ZBTB7A: variants seen among roughly 807,000 people sequenced by gnomAD.
ZBTB7A encodes the protein zinc finger and BTB domain-containing protein 7A.
Under a neutral mutation model 26.7 loss-of-function variants are expected in ZBTB7A, and 7 were observed. The observed-to-expected ratio is 0.26, with a 90% CI of 0.15 to 0.49. The LOEUF is 0.49. Ranked by LOEUF, ZBTB7A falls within the 20% of genes least tolerant of loss-of-function variation. ZBTB7A has a pLI of 0.98. For synonymous variants in ZBTB7A, 452 were observed against 441.0 expected, an observed-to-expected ratio of 1.02 and a Z score of -0.31; for missense variants, 617 against 919.5, an observed-to-expected ratio of 0.67 and a Z score of 4.25.
chr19:4,064,689 G>A (rs573185013), intron 1 of ZBTB7A, among the ~76,000 whole-genome samples: 2 of 152,350 alleles, frequency 1.3e-5, no homozygotes, highest in South Asian at 4.1e-4. Flanking sequence ...CCTCTCCGGA[G>A]GCAGCTGGCA....
chr19:4,053,334 G>C (rs2040523735), intron 2 of ZBTB7A, among the ~76,000 whole-genome samples: 2 of 152,228 alleles, frequency 1.3e-5, no homozygotes, highest in Non-Finnish European at 2.9e-5. Flanking sequence ...GCGTTCGTTG[G>C]CTTTGGGCCC....
rs939753090 is a variant in ZBTB7A, at chr19:4,046,351, TTTA to T, written c.*1398_*1400del. The T allele has an allele frequency of 9.8e-6, 3 of 306,868 alleles. No individual in the cohort carries two copies. The highest frequency in any genetic ancestry group is 1.2e-5 in the Non-Finnish European group (2 of 169,112). 19.0% of individuals were successfully genotyped at this position (306,868 alleles called of 1,614,324 possible). A position where few individuals can be genotyped will look rare whatever the true frequency, so the allele number is the denominator to read the frequency against. ...TCTACGTTTGTGGTGGGTTTTTTTT[TTTA>T]TTATTTTGTACAAAAATAAATCGAC... On this transcript the variant is annotated 3_prime_UTR_variant, in exon 3 of 3. Coordinates refer to ENST00000322357, the MANE Select transcript of ZBTB7A (RefSeq NM_015898.4).
rs943086166 is a variant in ZBTB7A at position 4,052,424 on chromosome 19, G to A, written c.1262+1547C>T. Among the ~76,000 whole-genome samples the A allele has an allele frequency of 3.3e-5, 5 of 152,082 alleles. No homozygotes were observed. The highest frequency in any genetic ancestry group is 7.4e-5 in the Non-Finnish European group (5 of 68,000). The stretch of plus-strand genomic sequence containing the variant: ...AGCTACACTGCCTGCCTCCCAAAGT[G>A]CCCTTTGCCCCCTGCCTGGCACTCC... On this transcript the variant is annotated intron_variant, in intron 2 of 2. Coordinates refer to ENST00000322357, the MANE Select transcript of ZBTB7A (RefSeq NM_015898.4). The surrounding 1 kb of genome is among the most constrained non-coding windows in gnomAD (Gnocchi z 4.9).
chr19:4,057,453 C>T (rs527593510), intron 1 of ZBTB7A, among the ~76,000 whole-genome samples: 14 of 152,294 alleles, frequency 9.2e-5, no homozygotes, highest in African/African-American at 3.4e-4. Flanking sequence ...TGAGCACGGG[C>T]TTCGGCCGAT....
chr19:4,066,269 C>T (rs1046854327), intron 1 of ZBTB7A, among the ~76,000 whole-genome samples: 5 of 148,770 alleles, frequency 3.4e-5, no homozygotes, highest in Non-Finnish European at 7.5e-5. Context: ...AATAGGCCCC[C>T]GGGGGGCGAG....
Position 4,047,539 on chromosome 19 carries a change from G to A in ZBTB7A, c.*213C>T, listed in dbSNP as rs1435188996. 5.5e-6 allele frequency: 2 copies of A among 365,850 alleles called. No homozygotes were observed. Among genetic ancestry groups the A allele is most frequent in the East Asian group, 1.1e-4 (2 of 17,842 alleles). 22.7% of individuals were successfully genotyped at this position (365,850 alleles called of 1,614,324 possible). A position where few individuals can be genotyped will look rare whatever the true frequency, so the allele number is the denominator to read the frequency against. On this transcript the variant is annotated 3_prime_UTR_variant, in exon 3 of 3. Coordinates refer to ENST00000322357, the MANE Select transcript of ZBTB7A (RefSeq NM_015898.4). ...GGGAGGGCCGGGGCCCCTGCGGAGG[G>A]AGAAAAACGTCAGAAAGGAGGGAAA...
At chr19:4,056,424 C>A (rs1431584976) in intron 1 of ZBTB7A, among the ~76,000 whole-genome samples, 2 of 152,180 alleles carry the variant, frequency 1.3e-5, no homozygotes, top group African/African-American at 2.4e-5. Context: ...CCCGGGAATG[C>A]CTGTTGAAAG....
intron 1 of ZBTB7A, among the ~76,000 whole-genome samples, chr19:4,061,423 C>CCCCGCCCTGACCTGGTGCCAAG (rs2040636635): frequency 6.6e-6 from 1 of 152,076 alleles, no homozygotes; most frequent in Non-Finnish European, 1.5e-5. Flanking sequence ...CGACGGGTAA[C>CCCCGCCCTGACCTGGTGCCAAG]CCCGCCCTGA....
Position 4,066,832 on chromosome 19 carries a change from C to G in ZBTB7A, c.-166G>C, listed in dbSNP as rs1210098096. 6.6e-6 allele frequency: 1 copy of G among 151,784 alleles called. No homozygotes were observed. The highest frequency in any genetic ancestry group is 2.0e-4 in the South Asian group (1 of 4,914). The allele number at this position is 151,784 out of a possible 1,614,324, so 9.4% of individuals were successfully genotyped here. A position where few individuals can be genotyped will look rare whatever the true frequency, so the allele number is the denominator to read the frequency against. ...CGCGCGGCGGCGGCGGCGTCACTGCCCCTACAGTAACTGTACAGTACAGCC... is the reference window on the plus strand; with the variant it reads ...CGCGCGGCGGCGGCGGCGTCACTGCGCCTACAGTAACTGTACAGTACAGCC... On this transcript the variant is annotated 5_prime_UTR_variant, in exon 1 of 3. Transcript: ENST00000322357.
chr19:4,051,782 C>A (rs965004232), intron 2 of ZBTB7A, among the ~76,000 whole-genome samples: 1 of 152,244 alleles, frequency 6.6e-6, no homozygotes, highest in African/African-American at 2.4e-5. Flanking sequence ...CAGAGACTCC[C>A]CAGATGAGCC....
Position 4,047,936 on chromosome 19 carries a change from G to A in ZBTB7A, c.1571C>T (p.Pro524Leu). 6.9e-7 allele frequency: 1 copy of A among 1,440,938 alleles called. No individual in the cohort carries two copies. Among genetic ancestry groups the A allele is most frequent in the African/African-American group, 1.5e-5 (1 of 67,520 alleles). 89.3% of individuals were successfully genotyped at this position (1,440,938 alleles called of 1,614,324 possible). A position where few individuals can be genotyped will look rare whatever the true frequency, so the allele number is the denominator to read the frequency against. ...GTTGCGCCGGGCGTCGGGGGAGCTGGGCTGGGCGGGGGCGCCGGGGGTCGC... is the reference window on the plus strand; with the variant it reads ...GTTGCGCCGGGCGTCGGGGGAGCTGAGCTGGGCGGGGGCGCCGGGGGTCGC... ...ATATPGAPAQ[P>L]SSPDARRNGQ... Residue 524 changes from proline to leucine, a missense_variant, in exon 3 of 3, where the codon CCC becomes CTC. Physicochemically the swap from Pro to Leu is moderately conservative, Grantham distance 98. This residue lies in a region of ZBTB7A where 136 missense variants were observed against 126.6 expected (regional missense o/e 1.07). Transcript: ENST00000322357.
In ZBTB7A at chr19:4,054,847, C is replaced by A. The variant is rs1448540713; in HGVS notation, c.386G>T (p.Arg129Leu). 1.9e-6 allele frequency: 3 copies of A among 1,607,330 alleles called. No homozygotes were observed. The highest frequency in any genetic ancestry group is 1.7e-6 in the Non-Finnish European group (2 of 1,176,874). The change falls in exon 2 of 3, where the codon CGG becomes CTG. Residue 129 changes from arginine (R) to leucine (L), a missense_variant. Arg to Leu is a moderately radical substitution (Grantham distance 102). Coordinates refer to ENST00000322357, the MANE Select transcript of ZBTB7A (RefSeq NM_015898.4). The stretch of plus-strand genomic sequence containing the variant: ...GCCCGCGTCGGCCGCCAGGATCTGC[C>A]GGTCCAGGAGGTCGGCGCACACGTG... ...VSHVCADLLDRQILAADAGAD... is the reference protein window; with the variant it reads ...VSHVCADLLDLQILAADAGAD...
chr19:4,061,867 A>AG (rs2145006663), intron 1 of ZBTB7A: 1 of 152,386 alleles, frequency 6.6e-6, no homozygotes. Context: ...AGGTTCCAAG[A>AG]GGAAGCTTCA....
At chr19:4,061,044 C>T (rs534144203) in intron 1 of ZBTB7A, among the ~76,000 whole-genome samples, 14 of 152,238 alleles carry the variant, frequency 9.2e-5, no homozygotes, top group African/African-American at 3.4e-4. Flanking sequence ...GGATGGGGGT[C>T]GTAACAGTGG....
rs996642086 is a variant in ZBTB7A at position 4,053,829 on chromosome 19, A to G, written c.1262+142T>C. The stretch of plus-strand genomic sequence containing the variant: ...GTGACGTGCATGTGTCTGTGCGTGT[A>G]CGTGTCTGTGTGCACGTGCGTGTAT... On this transcript the variant is annotated intron_variant, in intron 2 of 2. Transcript: ENST00000322357. 1.9e-4 allele frequency: 176 copies of G among 923,184 alleles called. 1 individual carries two copies. The highest frequency in any genetic ancestry group is 3.5e-4 in the Admixed American group (12 of 34,702). 57.2% of individuals were successfully genotyped at this position (923,184 alleles called of 1,614,324 possible). A position where few individuals can be genotyped will look rare whatever the true frequency, so the allele number is the denominator to read the frequency against.
In ZBTB7A at chr19:4,044,523, GC is replaced by G. The variant is rs1197437028; in HGVS notation, c.*3228del. On this transcript the variant is annotated 3_prime_UTR_variant, in exon 3 of 3. Coordinates refer to ENST00000322357, the MANE Select transcript of ZBTB7A (RefSeq NM_015898.4). ...GGGGGCACTGCAGACGGGGGCTCCG[GC>G]CCGGCCACCTCCCCGGCCCCCGGGC... is the stretch of plus-strand genomic sequence containing the variant. 6.6e-6 allele frequency: 1 copy of G among 151,104 alleles called. No homozygotes were observed. The highest frequency in any genetic ancestry group is 1.5e-5 in the Non-Finnish European group (1 of 67,656). The allele number at this position is 151,104 out of a possible 1,614,324, so 9.4% of individuals were successfully genotyped here.
At chr19:4,053,447 G>A (rs2040525838) in intron 2 of ZBTB7A, among the ~76,000 whole-genome samples, 1 of 152,168 alleles carries the variant, frequency 6.6e-6, no homozygotes, top group African/African-American at 2.4e-5. Flanking sequence ...ACGTGTCTGT[G>A]TGCATGTGCC....
chr19:4,049,148 ATG>A (rs141419678), intron 2 of ZBTB7A, among the ~76,000 whole-genome samples: 3,731 of 41,592 alleles, frequency 0.09, 573 homozygotes, highest in Admixed American at 0.13. Context: ...ATTAAACTAT[ATG>A]TGTGTGTGTG....
At chr19:4,055,698 C>G (rs2040570485) in intron 1 of ZBTB7A, among the ~76,000 whole-genome samples, 1 of 152,144 alleles carries the variant, frequency 6.6e-6, no homozygotes, top group African/African-American at 2.4e-5. Flanking sequence ...TGGCGGGGGC[C>G]TGTAGTTCCA....
Sources: allele counts gnomAD v4.1 joint callset (sites outside exome capture counted in the v4.1 genomes callset), GRCh38; gene constraint gnomAD v4.1.1; regional missense constraint gnomAD v4.1.1; non-coding constraint Gnocchi (gnomAD v3.1); transcripts MANE v1.5; gene names NCBI Gene and HGNC (gene_info 2026-07-23, HGNC 2026-07-21).